MOXD1: variants seen among roughly 807,000 people sequenced by gnomAD.
MOXD1 encodes the protein DBH-like monooxygenase protein 1.
In MOXD1, 62 loss-of-function variants were observed where a neutral mutation model predicts 66.6. The observed-to-expected ratio is 0.93, with a 90% CI of 0.76 to 1.15. The LOEUF is 1.15. MOXD1 is among the 50% of genes most tolerant of loss of function. The pLI is 0.00. For missense variants in MOXD1, 847 were observed against 754.6 expected (o/e 1.12, Z -1.44); for synonymous variants, 303 against 281.9 (o/e 1.07, Z -0.75).
intron 4 of MOXD1, among the ~76,000 whole-genome samples, chr6:132,331,812 A>G (rs1775324987): frequency 6.6e-6 from 1 of 152,120 alleles, no homozygotes; most frequent in Non-Finnish European, 1.5e-5. Flanking sequence ...GCTACACATT[A>G]TTGTAGGAAG....
intron 1 of MOXD1, among the ~76,000 whole-genome samples, chr6:132,382,665 T>C (rs1562298678): frequency 1.3e-5 from 2 of 152,198 alleles, no homozygotes; most frequent in Non-Finnish European, 2.9e-5. Flanking sequence ...AGATATTTTT[T>C]CTTTTGAACA....
intron 9 of MOXD1, among the ~76,000 whole-genome samples, chr6:132,316,146 G>A (rs1175932112): frequency 3.4e-5 from 5 of 148,810 alleles, no homozygotes; most frequent in Middle Eastern, 3.4e-3. Flanking sequence ...TTGTCTTCAT[G>A]TGTATAAACA....
In MOXD1 at chr6:132,330,475, C is replaced by T. The variant is rs578016393; in HGVS notation, c.664-1881G>A. On this transcript the variant is annotated intron_variant, in intron 4 of 11. Transcript: ENST00000367963. ...AAACCATCTCCCCCATCCTCCAGTC[C>T]GTGGAAAAACTGTCTTCCATGAAAC... Among the ~76,000 whole-genome samples the T allele has an allele frequency of 2.8e-4, 42 of 152,284 alleles. No homozygotes were observed. The South Asian group carries it at 8.1e-3, about 29-fold the overall frequency.
chr6:132,315,708 G>T lies in MOXD1; in HGVS notation c.1435C>A (p.Arg479=), dbSNP rs369928709. ...ATAATGTCTGGAATACTTGCACATC[G>T]AGTAAGATTAATTCTTGGGTAATAA... ...LLYYPRINLT[R]CASIPDIMEQ... Residue 479 remains arginine (R), a synonymous_variant, in exon 10 of 12, where the codon CGA becomes AGA. Coordinates refer to ENST00000367963, the MANE Select transcript of MOXD1 (RefSeq NM_015529.4). 3 of 1,613,190 alleles carry T rather than the reference G, an allele frequency of 1.9e-6. No individual in the cohort carries two copies. The highest frequency in any genetic ancestry group is 4.5e-5 in the East Asian group (2 of 44,844).
chr6:132,355,464 C>A (rs979945643), intron 4 of MOXD1, among the ~76,000 whole-genome samples: 4 of 152,200 alleles, frequency 2.6e-5, no homozygotes, highest in African/African-American at 9.7e-5. Context: ...GCTGGGCCTG[C>A]TTCTTATGGC....
chr6:132,385,069 G>C (rs1171083466), intron 1 of MOXD1, among the ~76,000 whole-genome samples: 1 of 152,140 alleles, frequency 6.6e-6, no homozygotes, highest in Non-Finnish European at 1.5e-5. Flanking sequence ...AGAACTTGAC[G>C]ATGGGTTTTA....
intron 4 of MOXD1, among the ~76,000 whole-genome samples, chr6:132,370,562 T>G (rs1776244108): frequency 1.3e-5 from 2 of 152,128 alleles, no homozygotes; most frequent in Admixed American, 1.3e-4. Context: ...ATAAGTGGTA[T>G]TCTCACATAA....
At position 132,372,927 on chromosome 6, in the gene MOXD1, TCATGGTACTTGGGAC is replaced by T. The variant is rs1372916881; in HGVS notation, c.467_481del (p.Gly156_His160del). On this transcript the variant is annotated inframe_deletion, in exon 3 of 12. Coordinates refer to ENST00000367963, the MANE Select transcript of MOXD1 (RefSeq NM_015529.4). The stretch of plus-strand genomic sequence containing the variant: ...CAAACTCTTGGTGCCCCTATTGGAG[TCATGGTACTTGGGAC>T]CAGCTTCTCCTGCATCTTCATGGTG... 4 of 1,613,766 alleles carry T rather than the reference TCATGGTACTTGGGAC, an allele frequency of 2.5e-6. No individual in the cohort carries two copies. In the Admixed American group the frequency reaches 6.7e-5, roughly 27 times the overall value.
chr6:132,374,741 C>A lies in MOXD1; in HGVS notation c.301G>T (p.Asp101Tyr), dbSNP rs763548180. ...FTNANRELKK[D>Y]AQQDYHLEYA... ...TCTAGATGGTAATCTTGCTGAGCAT[C>A]TTTTTTCAACTCTCTATTTGCATTT... The change falls in exon 2 of 12, where the codon GAT (aspartate) becomes TAT (tyrosine). Residue 101 changes from aspartate to tyrosine, a missense_variant. By Grantham distance (160) the Asp-to-Tyr change is radical (BLOSUM62 -3). Transcript: ENST00000367963. 2.5e-6 allele frequency: 4 copies of A among 1,613,676 alleles called. No individual in the cohort carries two copies. The highest frequency in any genetic ancestry group is 2.7e-5 in the African/African-American group (2 of 74,900).
At chr6:132,346,443 G>A (rs1775670421) in intron 4 of MOXD1, among the ~76,000 whole-genome samples, 1 of 151,684 alleles carries the variant, frequency 6.6e-6, no homozygotes, top group Non-Finnish European at 1.5e-5. Context: ...CTAGCAGCAG[G>A]GGAATAACAT....
chr6:132,389,741 C>T (rs989863229), intron 1 of MOXD1, among the ~76,000 whole-genome samples: 1 of 151,430 alleles, frequency 6.6e-6, no homozygotes, highest in Admixed American at 6.6e-5. Flanking sequence ...ATAGCATGAA[C>T]TCATCTTGGC....
intron 4 of MOXD1, among the ~76,000 whole-genome samples, chr6:132,334,134 C>A (rs1775388544): frequency 6.6e-6 from 1 of 152,204 alleles, no homozygotes; most frequent in African/African-American, 2.4e-5. Flanking sequence ...ATAGCCCCTG[C>A]AGCACAAAGA....
chr6:132,385,319 T>C (rs771619510), intron 1 of MOXD1, among the ~76,000 whole-genome samples: 1 of 152,088 alleles, frequency 6.6e-6, no homozygotes, highest in African/African-American at 2.4e-5. Flanking sequence ...CCTCAGAAAC[T>C]TCACGCTCAG....
At chr6:132,356,973 G>A (rs1188215650) in intron 4 of MOXD1, among the ~76,000 whole-genome samples, 1 of 151,750 alleles carries the variant, frequency 6.6e-6, no homozygotes, top group Non-Finnish European at 1.5e-5. Flanking sequence ...CTTATTATGA[G>A]AAGTATATAT....
In MOXD1 at chr6:132,383,340, A is replaced by G. The variant is rs1776548224; in HGVS notation, c.265-8563T>C. Among the ~76,000 whole-genome samples, 5 of 152,198 alleles carry G rather than the reference A, an allele frequency of 3.3e-5. No individual in the cohort carries two copies. The South Asian group carries it at 1.0e-3, about 31-fold the overall frequency. ...GATCTTAATAAGTTATTTCTTCAGT[A>G]ATCTTAGAAATTTAAGTGGAATGTC... On this transcript the variant is annotated intron_variant, in intron 1 of 11. Transcript: ENST00000367963.
chr6:132,299,939 A>G (rs1035987174), intron 10 of MOXD1, among the ~76,000 whole-genome samples: 3 of 151,786 alleles, frequency 2.0e-5, no homozygotes, highest in African/African-American at 7.3e-5. Context: ...ACTCAGGCAC[A>G]TTGAATATCA....
intron 4 of MOXD1, among the ~76,000 whole-genome samples, chr6:132,339,736 T>C (rs1328847009): frequency 3.3e-5 from 5 of 152,204 alleles, no homozygotes; most frequent in Non-Finnish European, 7.3e-5. Context: ...ATCCTCTCCT[T>C]TCCCCTGGAT....
At chr6:132,376,029 T>TA (rs1776372215) in intron 1 of MOXD1, among the ~76,000 whole-genome samples, 1 of 152,210 alleles carries the variant, frequency 6.6e-6, no homozygotes, top group East Asian at 1.9e-4. Context: ...AATATCTTCT[T>TA]ATGCCTTTTA....
chr6:132,343,199 G>A (rs1269001188), intron 4 of MOXD1, among the ~76,000 whole-genome samples: 1 of 151,982 alleles, frequency 6.6e-6, no homozygotes, highest in East Asian at 1.9e-4. Context: ...CAAACAAAAG[G>A]CTTAATTCCC....
Sources: allele counts gnomAD v4.1 joint callset (sites outside exome capture counted in the v4.1 genomes callset), GRCh38; gene constraint gnomAD v4.1.1; transcripts MANE v1.5; gene names NCBI Gene and HGNC (gene_info 2026-07-23, HGNC 2026-07-21).